PCDH15: variants seen among roughly 807,000 people sequenced by gnomAD.
PCDH15 encodes the protein protocadherin-15.
In PCDH15, 129 loss-of-function variants were observed where a neutral mutation model predicts 178.5. The observed-to-expected ratio is 0.72, with a 90% CI of 0.63 to 0.84. The LOEUF (loss-of-function observed/expected upper bound fraction) is 0.84, where lower values mean the gene tolerates loss of function less well. PCDH15 is among the 40% of genes least tolerant of loss of function. The pLI is 0.00. For missense variants in PCDH15, 2,230 were observed against 2,099.9 expected (o/e 1.06, Z -1.21); for synonymous variants, 800 against 732.0 (o/e 1.09, Z -1.50).
chr10:54,826,400 G>A (rs530259364), intron 3 of PCDH15, among the ~76,000 whole-genome samples: 2 of 151,818 alleles, frequency 1.3e-5, no homozygotes, highest in East Asian at 1.9e-4. Flanking sequence ...GATGTGTGAG[G>A]AGAATATAAG....
intron 2 of PCDH15, among the ~76,000 whole-genome samples, chr10:55,526,948 G>A (rs965838453): frequency 6.6e-6 from 1 of 152,008 alleles, no homozygotes; most frequent in African/African-American, 2.4e-5. Flanking sequence ...ATCTGTATCA[G>A]TTGTCTATAC....
chr10:55,544,159 T>C (rs964950682), intron 2 of PCDH15, among the ~76,000 whole-genome samples: 5 of 141,768 alleles, frequency 3.5e-5, no homozygotes, highest in Non-Finnish European at 1.5e-5. Context: ...TATATATATA[T>C]ATATATATAT....
chr10:53,845,274 G>A (rs1028042743), intron 28 of PCDH15, among the ~76,000 whole-genome samples: 2 of 151,752 alleles, frequency 1.3e-5, no homozygotes, highest in African/African-American at 4.8e-5. Context: ...TACATTCTTG[G>A]GGGGAATGTA....
chr10:55,219,491 A>G (rs1840807163), intron 1 of PCDH15, among the ~76,000 whole-genome samples: 1 of 151,738 alleles, frequency 6.6e-6, no homozygotes, highest in Non-Finnish European at 1.5e-5. Context: ...TCTTGCATAC[A>G]TCGTATATTG....
chr10:54,662,432 C>T (rs2094505655), intron 2 of PCDH15, among the ~76,000 whole-genome samples: 1 of 151,898 alleles, frequency 6.6e-6, no homozygotes, highest in African/African-American at 2.4e-5. Flanking sequence ...ACAACATAAA[C>T]TGTGTTAGTA....
intron 2 of PCDH15, among the ~76,000 whole-genome samples, chr10:54,932,229 A>C (rs1287215471): frequency 1.3e-5 from 2 of 152,216 alleles, no homozygotes; most frequent in Non-Finnish European, 2.9e-5. Context: ...CGCTTCACGC[A>C]TGTCACTGCC....
chr10:55,373,626 G>A (rs1238857561), intron 2 of PCDH15, among the ~76,000 whole-genome samples: 3 of 152,070 alleles, frequency 2.0e-5, no homozygotes, highest in Non-Finnish European at 4.4e-5. Context: ...TGCGAGATCA[G>A]AGAGGCTCTT....
At chr10:55,244,592 C>A (rs1841639435) in intron 1 of PCDH15, among the ~76,000 whole-genome samples, 1 of 151,806 alleles carries the variant, frequency 6.6e-6, no homozygotes, top group Non-Finnish European at 1.5e-5. Flanking sequence ...CACACACACA[C>A]AAACACACTG....
chr10:55,110,010 G>GGT, intron 2 of PCDH15, among the ~76,000 whole-genome samples: 1 of 150,946 alleles, frequency 6.6e-6, no homozygotes, highest in Middle Eastern at 3.2e-3. Flanking sequence ...TATGCATAAA[G>GGT]GTATATATAT....
chr10:55,253,986 A>G (rs188199016), intron 1 of PCDH15, among the ~76,000 whole-genome samples: 5 of 152,290 alleles, frequency 3.3e-5, no homozygotes, highest in East Asian at 3.9e-4. Context: ...TTTCTTTTAT[A>G]TGTCTCTATC....
chr10:54,585,258 T>G (rs890618481), intron 2 of PCDH15, among the ~76,000 whole-genome samples: 1 of 152,118 alleles, frequency 6.6e-6, no homozygotes, highest in Non-Finnish European at 1.5e-5. Flanking sequence ...CCTGTGCGGT[T>G]TTCCAGTTTC....
chr10:54,834,735 A>G (rs779072149), intron 3 of PCDH15, among the ~76,000 whole-genome samples: 2 of 152,208 alleles, frequency 1.3e-5, no homozygotes, highest in Non-Finnish European at 2.9e-5. Flanking sequence ...CCATTTAGAC[A>G]GGATTTAATG....
chr10:54,149,174 A>G (rs1163390503), intron 14 of PCDH15, among the ~76,000 whole-genome samples: 1 of 152,060 alleles, frequency 6.6e-6, no homozygotes, highest in African/African-American at 2.4e-5. Flanking sequence ...CTCCTTCATT[A>G]TCGTAAGTTC....
At chr10:55,588,811 G>A (rs1253391859) in intron 2 of PCDH15, among the ~76,000 whole-genome samples, 3 of 152,186 alleles carry the variant, frequency 2.0e-5, no homozygotes, top group East Asian at 1.9e-4. Context: ...GCAAGGCAAG[G>A]AACCTCACAC....
chr10:54,615,251 T>C (rs547718800), intron 2 of PCDH15, among the ~76,000 whole-genome samples: 45 of 152,130 alleles, frequency 3.0e-4, no homozygotes, highest in African/African-American at 1.0e-3. Context: ...GTTATTTCTA[T>C]TGGCAGCCAT....
chr10:55,145,440 T>C (rs562297938), intron 2 of PCDH15, among the ~76,000 whole-genome samples: 2 of 152,112 alleles, frequency 1.3e-5, no homozygotes, highest in African/African-American at 4.8e-5. Context: ...GTTCAAGAAA[T>C]GTTAGAGAAG....
At chr10:54,372,977 A>G (rs1211529853) in intron 4 of PCDH15, among the ~76,000 whole-genome samples, 1 of 151,752 alleles carries the variant, frequency 6.6e-6, no homozygotes, top group Non-Finnish European at 1.5e-5. Flanking sequence ...AAGAGAAAAA[A>G]TTTTCCCACA....
rs117982897 is a variant in PCDH15, at chr10:55,419,258, G to C, written c.-156+208367C>G. 8.0e-4 allele frequency among the ~76,000 whole-genome samples: 121 copies of C among 151,810 alleles called. 2 individuals are homozygous for C. The East Asian group carries it at 0.02, about 25-fold the overall frequency. ...GGACCAATAATGAAATTTGCTCCTA[G>C]GACAACAAATAAATTTTCTATGTGG... is the stretch of plus-strand genomic sequence containing the variant. On this transcript the variant is annotated intron_variant, in intron 2 of 5. Coordinates refer to the PCDH15 transcript ENST00000613346.
At chr10:55,526,657 T>C (rs1376007819) in intron 2 of PCDH15, among the ~76,000 whole-genome samples, 1 of 152,100 alleles carries the variant, frequency 6.6e-6, no homozygotes, top group Non-Finnish European at 1.5e-5. Context: ...ATTTGGGGTC[T>C]TTGACAGACT....
Sources: gnomAD v4.1 joint callset for allele counts (sites outside exome capture counted in the v4.1 genomes callset) on GRCh38, gnomAD v4.1.1 for gene constraint, MANE v1.5 for transcripts, NCBI Gene and HGNC (gene_info 2026-07-23, HGNC 2026-07-21) for gene names.